HUNK: variants seen among roughly 807,000 people sequenced by gnomAD.
HUNK encodes hormonally up-regulated neu tumor-associated kinase.
In HUNK, 21 loss-of-function variants were observed where a neutral mutation model predicts 61.0. The ratio of observed to expected loss-of-function variants is 0.34; its 90% CI spans 0.24 to 0.50. The LOEUF (loss-of-function observed/expected upper bound fraction) is 0.50. Among genes scored for constraint, HUNK ranks in the 20% least tolerant of loss-of-function variants. HUNK has a pLI of 0.98. For synonymous variants in HUNK, 371 were observed against 386.1 expected, an observed-to-expected ratio of 0.96 and a Z score of 0.46; for missense variants, 772 against 945.7, an observed-to-expected ratio of 0.82 and a Z score of 2.41.
chr21:31,903,126 G>A lies in HUNK; in HGVS notation c.262-21342G>A, dbSNP rs144694669. On this transcript the variant is annotated intron_variant, in intron 1 of 10. Transcript: ENST00000270112. ...CAAAGCTCCATTAATGTTGATGAAA[G>A]CAATGGATAACTTATGCTTGACCCA... Among the ~76,000 whole-genome samples, 194 of 152,090 alleles carry A rather than the reference G, an allele frequency of 1.3e-3. 2 individuals are homozygous for A. In the East Asian group the frequency reaches 0.025, roughly 20 times the overall value.
At chr21:31,910,551 C>T (rs921771236) in intron 1 of HUNK, among the ~76,000 whole-genome samples, 25 of 150,858 alleles carry the variant, frequency 1.7e-4, no homozygotes, top group African/African-American at 3.2e-4. Flanking sequence ...TACAATGGCG[C>T]GATCTCGGCT....
At chr21:31,982,968 T>A (rs775214976) in intron 7 of HUNK, among the ~76,000 whole-genome samples, 10 of 152,078 alleles carry the variant, frequency 6.6e-5, no homozygotes, top group Non-Finnish European at 4.4e-5. Flanking sequence ...CATGATTGGC[T>A]ATTTTTGTAT....
At chr21:31,929,264 C>G (rs1021000298) in intron 2 of HUNK, among the ~76,000 whole-genome samples, 9 of 148,124 alleles carry the variant, frequency 6.1e-5, no homozygotes, top group Admixed American at 3.4e-4. Flanking sequence ...TTTTTTAATA[C>G]AAAGGAAACT....
chr21:31,937,838 G>A (rs1194956909), intron 2 of HUNK, among the ~76,000 whole-genome samples: 1 of 152,222 alleles, frequency 6.6e-6, no homozygotes, highest in East Asian at 1.9e-4. Context: ...TGTTGGAAAA[G>A]CGAGGATATC....
At chr21:31,983,379 G>A in intron 7 of HUNK, 147 bp from the exon 8 acceptor site, 1 of 650,446 alleles carries the variant, frequency 1.5e-6, no homozygotes, top group South Asian at 1.9e-5. Context: ...GGCCTTCCTG[G>A]GGTGAGACTT....
intron 1 of HUNK, among the ~76,000 whole-genome samples, chr21:31,921,855 G>C (rs895518978): frequency 6.6e-6 from 1 of 151,972 alleles, no homozygotes; most frequent in Non-Finnish European, 1.5e-5. Context: ...CTTTATTGAG[G>C]TTTAACTGAC....
intron 3 of HUNK, among the ~76,000 whole-genome samples, chr21:31,942,728 C>T (rs1601389793): frequency 6.6e-6 from 1 of 152,264 alleles, no homozygotes; most frequent in Non-Finnish European, 1.5e-5. Context: ...GGGACAAAAT[C>T]GGCTCCTTCA....
At chr21:31,959,014 G>C (rs752131693) in intron 5 of HUNK, 44 bp downstream of exon 5, 7 of 1,516,150 alleles carry the variant, frequency 4.6e-6, no homozygotes, top group African/African-American at 2.8e-5. Context: ...GACTGCTGTC[G>C]TGACCAGTTC....
chr21:31,924,717 A>G lies in HUNK; in HGVS notation c.511A>G (p.Ile171Val). The change falls in exon 2 of 11, where the codon ATC becomes GTC. Residue 171 changes from isoleucine (I) to valine (V), a missense_variant. Transcript: ENST00000270112. The surrounding 1 kb of genome is among the most constrained non-coding windows in gnomAD (Gnocchi z 5.1). Reference sequence around the variant, plus strand: ...AGCCCGCAGATACATCCGACAGCTCATCTCTGCCGTAGAGCACCTGCACCG... The same window carrying G: ...AGCCCGCAGATACATCCGACAGCTCGTCTCTGCCGTAGAGCACCTGCACCG... ...SEARRYIRQL[I>V]SAVEHLHRAG... 1 of 1,613,430 alleles carries G rather than the reference A, an allele frequency of 6.2e-7. No individual in the cohort carries two copies. Among genetic ancestry groups the G allele is most frequent in the Non-Finnish European group, 8.5e-7 (1 of 1,179,838 alleles).
chr21:31,941,582 C>T (rs535041739), intron 3 of HUNK, among the ~76,000 whole-genome samples: 20 of 152,308 alleles, frequency 1.3e-4, no homozygotes, highest in African/African-American at 4.6e-4. Flanking sequence ...GCTGGGATTA[C>T]AGGCATGAGC....
chr21:31,983,516 C>T lies in HUNK; in HGVS notation c.1174-10C>T, dbSNP rs762286033. 3 of 1,609,188 alleles carry T rather than the reference C, an allele frequency of 1.9e-6. No individual in the cohort carries two copies. Among genetic ancestry groups the T allele is most frequent in the Non-Finnish European group, 2.6e-6 (3 of 1,176,008 alleles). On this transcript the variant is annotated splice_polypyrimidine_tract_variant and intron_variant, in intron 7 of 10. Coordinates refer to ENST00000270112, the MANE Select transcript of HUNK (RefSeq NM_014586.2). Reference sequence around the variant, plus strand: ...AGTTGAGCTGTGCTTTTTCTTTTCTCCTCTGGTAGAAATCTGACATCCAGG... The same window carrying T: ...AGTTGAGCTGTGCTTTTTCTTTTCTTCTCTGGTAGAAATCTGACATCCAGG...
At chr21:31,947,556 G>T (rs1378231656) in intron 4 of HUNK, among the ~76,000 whole-genome samples, 1 of 152,246 alleles carries the variant, frequency 6.6e-6, no homozygotes, top group Non-Finnish European at 1.5e-5. Flanking sequence ...TCCCCAGCCA[G>T]CAAGGACTCT....
At chr21:31,978,490 A>G (rs1601407447) in intron 7 of HUNK, among the ~76,000 whole-genome samples, 1 of 151,914 alleles carries the variant, frequency 6.6e-6, no homozygotes, top group African/African-American at 2.4e-5. Context: ...ACTTTCCCTC[A>G]TCCCCTTCAG....
intron 1 of HUNK, among the ~76,000 whole-genome samples, chr21:31,875,971 C>T (rs747103568): frequency 6.6e-6 from 1 of 152,162 alleles, no homozygotes; most frequent in Non-Finnish European, 1.5e-5. Context: ...CAGAGCTCAG[C>T]CAGCGCTTGG....
intron 6 of HUNK, among the ~76,000 whole-genome samples, chr21:31,972,776 G>T (rs2053020691): frequency 6.6e-6 from 1 of 152,204 alleles, no homozygotes; most frequent in Non-Finnish European, 1.5e-5. Flanking sequence ...AATGAGGAAG[G>T]CTGATCTCAT....
At chr21:31,938,652 C>G (rs2052748087) in intron 2 of HUNK, among the ~76,000 whole-genome samples, 1 of 152,196 alleles carries the variant, frequency 6.6e-6, no homozygotes, top group South Asian at 2.1e-4. Context: ...AGAAACATTT[C>G]TCTTGCTTAT....
chr21:31,874,341 G>C (rs1413330590), intron 1 of HUNK, among the ~76,000 whole-genome samples: 1 of 149,730 alleles, frequency 6.7e-6, no homozygotes, highest in Admixed American at 6.6e-5. Flanking sequence ...GGGGGGCGGG[G>C]GGGGCAGGAA....
At chr21:31,932,898 C>A (rs917668695) in intron 2 of HUNK, among the ~76,000 whole-genome samples, 6 of 150,182 alleles carry the variant, frequency 4.0e-5, no homozygotes, top group African/African-American at 7.4e-5. Flanking sequence ...CATCCTCCTG[C>A]GCTGCCTTCT....
At chr21:31,960,015 G>A (rs780265375) in intron 5 of HUNK, among the ~76,000 whole-genome samples, 3 of 152,258 alleles carry the variant, frequency 2.0e-5, no homozygotes, top group South Asian at 2.1e-4. Context: ...TGCACTGAGA[G>A]TCATAACTCT....
Sources: allele counts gnomAD v4.1 joint callset (sites outside exome capture counted in the v4.1 genomes callset), GRCh38; gene constraint gnomAD v4.1.1; non-coding constraint Gnocchi (gnomAD v3.1); transcripts MANE v1.5; gene names NCBI Gene and HGNC (gene_info 2026-07-23, HGNC 2026-07-21).